The following ZHX3 variants were observed in gnomAD, a reference collection of about 807,000 sequenced individuals.
ZHX3 encodes zinc fingers and homeoboxes 3.
Under a neutral mutation model 64.5 loss-of-function variants are expected in ZHX3, and 20 were observed. The ratio of observed to expected loss-of-function variants is 0.31; its 90% CI spans 0.22 to 0.45. The LOEUF is 0.45. Among genes scored for constraint, ZHX3 ranks in the 20% least tolerant of loss-of-function variants. The probability of loss-of-function intolerance (pLI) is 1.00; values close to 1 mark genes in which losing one functional copy is unlikely to be tolerated. For synonymous variants in ZHX3, 423 were observed against 461.6 expected, an observed-to-expected ratio of 0.92 and a Z score of 1.07; for missense variants, 1,041 against 1,195.8, an observed-to-expected ratio of 0.87 and a Z score of 1.91.
At chr20:41,280,814 C>T (rs1369510358) in intron 1 of ZHX3, among the ~76,000 whole-genome samples, 1 of 151,566 alleles carries the variant, frequency 6.6e-6, no homozygotes, top group African/African-American at 2.4e-5. Flanking sequence ...GATGAATTCT[C>T]CCAAACCAAG....
At chr20:41,310,691 T>C (rs2146838007) in intron 1 of ZHX3, among the ~76,000 whole-genome samples, 1 of 152,154 alleles carries the variant, frequency 6.6e-6, no homozygotes, top group East Asian at 1.9e-4. Flanking sequence ...TTTTTTTTTT[T>C]TTAAAGAAAG....
intron 2 of ZHX3, among the ~76,000 whole-genome samples, chr20:41,256,021 T>C (rs985192711): frequency 6.6e-6 from 1 of 152,212 alleles, no homozygotes; most frequent in African/African-American, 2.4e-5. Flanking sequence ...TTCAAAATTA[T>C]GTAAATTAAA....
intron 2 of ZHX3, among the ~76,000 whole-genome samples, chr20:41,234,379 C>G (rs2040824854): frequency 6.6e-6 from 1 of 152,186 alleles, no homozygotes; most frequent in African/African-American, 2.4e-5. Flanking sequence ...ATCCCAAATA[C>G]CTTTGTCTAT....
rs1240186593 is a variant in ZHX3 at position 41,224,961 on chromosome 20, G to T, written c.-150-19895C>A. Among the ~76,000 whole-genome samples the T allele has an allele frequency of 6.6e-6, 1 of 152,134 alleles. No individual in the cohort carries two copies. Among genetic ancestry groups the T allele is most frequent in the East Asian group, 1.9e-4 (1 of 5,200 alleles). ...TTCCTGCTTATTGTCTTTCACTTTG[G>T]CTAGGCTGTAAGCTCTGTAAGTAAG... is the stretch of plus-strand genomic sequence containing the variant. On this transcript the variant is annotated intron_variant, in intron 2 of 3. Coordinates refer to ENST00000683867, the MANE Select transcript of ZHX3 (RefSeq NM_001384317.1). The surrounding 1 kb of genome is among the most constrained non-coding windows in gnomAD (Gnocchi z 5.2).
chr20:41,307,686 A>G (rs997954152), intron 1 of ZHX3, among the ~76,000 whole-genome samples: 1 of 152,226 alleles, frequency 6.6e-6, no homozygotes, highest in African/African-American at 2.4e-5. Context: ...CTTAGTAAAC[A>G]TAAAATATCA....
At chr20:41,244,815 T>C (rs1600487568) in intron 2 of ZHX3, among the ~76,000 whole-genome samples, 1 of 152,166 alleles carries the variant, frequency 6.6e-6, no homozygotes, top group East Asian at 1.9e-4. Context: ...TGATGTGTGT[T>C]GTGTCTGTGA....
chr20:41,240,637 C>T (rs1024937968), intron 2 of ZHX3, among the ~76,000 whole-genome samples: 1 of 152,100 alleles, frequency 6.6e-6, no homozygotes, highest in Non-Finnish European at 1.5e-5. Context: ...ACGAACCATC[C>T]CTATTTCCCC....
At chr20:41,298,779 G>T (rs893047743) in intron 1 of ZHX3, among the ~76,000 whole-genome samples, 2 of 152,170 alleles carry the variant, frequency 1.3e-5, no homozygotes, top group African/African-American at 2.4e-5. Flanking sequence ...GAAGAAACCA[G>T]GGATCCAGAA....
intron 3 of ZHX3, among the ~76,000 whole-genome samples, chr20:41,193,102 A>G (rs1346930202): frequency 6.6e-6 from 1 of 152,110 alleles, no homozygotes; most frequent in East Asian, 1.9e-4. Context: ...AAGTGTGATT[A>G]TCTACTCTCT....
chr20:41,248,867 C>T (rs1291178424), intron 2 of ZHX3, among the ~76,000 whole-genome samples: 1 of 152,170 alleles, frequency 6.6e-6, no homozygotes, highest in Non-Finnish European at 1.5e-5. Flanking sequence ...TTTTTCCCCC[C>T]TGACAGTGTT....
intron 1 of ZHX3, among the ~76,000 whole-genome samples, chr20:41,297,294 A>G (rs1269950945): frequency 4.6e-5 from 7 of 152,210 alleles, no homozygotes; most frequent in African/African-American, 1.7e-4. Context: ...AGTTGGTCCC[A>G]CAGCTGAGCC....
rs2038397847 is a variant in ZHX3, at chr20:41,203,196, A to C, written c.1721T>G (p.Val574Gly). The change falls in exon 3 of 4, where the codon GTG (valine) becomes GGG (glycine). Residue 574 changes from valine (V) to glycine (G), a missense_variant. Val to Gly is a moderately radical substitution (Grantham distance 109). Transcript: ENST00000683867. This position sits in a 1 kb window ranked among gnomAD's most constrained non-coding sequence, Gnocchi z 7.1. The part of the protein sequence containing the change: ...SSIIIDSVPE[V>G]SFSPSSKVPE... ...GACCTTGGACGATGGGGAGAAGGAC[A>C]CCTCTGGCACAGAGTCAATGATGAT... 1 of 1,613,892 alleles carries C rather than the reference A, an allele frequency of 6.2e-7. No individual in the cohort carries two copies. Among genetic ancestry groups the C allele is most frequent in the African/African-American group, 1.3e-5 (1 of 74,828 alleles).
At chr20:41,247,024 G>A (rs954969228) in intron 2 of ZHX3, among the ~76,000 whole-genome samples, 1 of 152,194 alleles carries the variant, frequency 6.6e-6, no homozygotes, top group Non-Finnish European at 1.5e-5. Context: ...ACTATGGGAG[G>A]CTAAGGCTGG....
intron 1 of ZHX3, among the ~76,000 whole-genome samples, chr20:41,296,518 T>C (rs2044537433): frequency 6.6e-6 from 1 of 152,342 alleles, no homozygotes; most frequent in African/African-American, 2.4e-5. Context: ...CCCTAGCACA[T>C]GGTGATGCTC....
chr20:41,186,376 C>T (rs2146105288), intron 3 of ZHX3, among the ~76,000 whole-genome samples: 1 of 152,314 alleles, frequency 6.6e-6, no homozygotes, highest in Middle Eastern at 3.4e-3. Context: ...TGTATGTACA[C>T]ACACATTTTC....
At chr20:41,240,982 T>C (rs1446822523) in intron 2 of ZHX3, among the ~76,000 whole-genome samples, 1 of 152,244 alleles carries the variant, frequency 6.6e-6, no homozygotes, top group East Asian at 1.9e-4. Context: ...AACATAAGTA[T>C]GCAGATATCT....
chr20:41,265,138 A>T (rs1032193411), intron 2 of ZHX3, among the ~76,000 whole-genome samples: 1 of 152,198 alleles, frequency 6.6e-6, no homozygotes, highest in Non-Finnish European at 1.5e-5. Flanking sequence ...TATACTTTTT[A>T]AAAAATATAA....
intron 2 of ZHX3, among the ~76,000 whole-genome samples, chr20:41,209,115 C>T (rs151144289): frequency 0.11 from 16,553 of 152,100 alleles, 1,283 homozygotes; most frequent in Non-Finnish European, 0.16. Context: ...AATAAAATAC[C>T]TAGGAATCCA....
At chr20:41,248,014 T>G (rs888821089) in intron 2 of ZHX3, among the ~76,000 whole-genome samples, 1 of 152,232 alleles carries the variant, frequency 6.6e-6, no homozygotes, top group Non-Finnish European at 1.5e-5. Flanking sequence ...ACCGATGGTA[T>G]CAGGTCCCTG....
Sources: gnomAD v4.1 joint callset for allele counts (sites outside exome capture counted in the v4.1 genomes callset) on GRCh38, gnomAD v4.1.1 for gene constraint, Gnocchi (gnomAD v3.1) non-coding constraint, MANE v1.5 for transcripts, NCBI Gene and HGNC (gene_info 2026-07-23, HGNC 2026-07-21) for gene names.